SAMD12: variants seen among roughly 807,000 people sequenced by gnomAD.
SAMD12 encodes sterile alpha motif domain containing 12, also known as sterile alpha motif domain-containing protein 12.
A neutral mutation model predicts 15.0 loss-of-function variants in SAMD12; 9 were observed. The observed-to-expected ratio is 0.60, with a 90% CI of 0.36 to 1.05. The LOEUF (loss-of-function observed/expected upper bound fraction) is 1.05. Ranked by LOEUF, SAMD12 falls within the 50% of genes least tolerant of loss-of-function variation. The pLI, the probability that SAMD12 is intolerant of heterozygous loss-of-function variation, is 0.01. For synonymous variants in SAMD12, 86 were observed against 90.1 expected, an observed-to-expected ratio of 0.96 and a Z score of 0.25; for missense variants, 230 against 234.2, an observed-to-expected ratio of 0.98 and a Z score of 0.12.
intron 2 of SAMD12, among the ~76,000 whole-genome samples, chr8:118,453,151 C>G (rs1170737269): frequency 6.6e-6 from 1 of 152,118 alleles, no homozygotes; most frequent in African/African-American, 2.4e-5. Flanking sequence ...CTTCTGTCAT[C>G]TACAATATTA....
chr8:118,293,285 A>C (rs1235123459), intron 4 of SAMD12, among the ~76,000 whole-genome samples: 1 of 152,212 alleles, frequency 6.6e-6, no homozygotes, highest in Non-Finnish European at 1.5e-5. Context: ...GATTTAGACA[A>C]GATAAAATAG....
chr8:118,181,582 C>T, the SAMD12 span, among the ~76,000 whole-genome samples: 1 of 152,290 alleles, frequency 6.6e-6, no homozygotes, highest in African/African-American at 2.4e-5. Context: ...GAGAGGGTCT[C>T]TTTCTGCATA....
At chr8:118,550,835 T>G (rs1446659859) in intron 2 of SAMD12, among the ~76,000 whole-genome samples, 1 of 150,964 alleles carries the variant, frequency 6.6e-6, no homozygotes, top group African/African-American at 2.5e-5. Flanking sequence ...TGGAGGAAGA[T>G]CTACCAAGCA....
At chr8:118,515,376 C>A (rs996688127) in intron 2 of SAMD12, among the ~76,000 whole-genome samples, 2 of 152,020 alleles carry the variant, frequency 1.3e-5, no homozygotes, top group Non-Finnish European at 2.9e-5. Context: ...TTCCACTTCA[C>A]CTTCTGCCAC....
At chr8:118,595,705 C>T (rs1239296566) in intron 1 of SAMD12, among the ~76,000 whole-genome samples, 1 of 152,218 alleles carries the variant, frequency 6.6e-6, no homozygotes, top group Admixed American at 6.5e-5. Context: ...AGCCCACTGG[C>T]TCTCTCCCAT....
At chr8:118,295,705 A>G (rs1814670924) in intron 4 of SAMD12, 1 of 145,310 alleles carries the variant, frequency 6.9e-6, no homozygotes, top group East Asian at 2.0e-4. Context: ...CCTGGAGTGC[A>G]GTGGTGCAAT....
intron 4 of SAMD12, among the ~76,000 whole-genome samples, chr8:118,352,096 G>A (rs900900805): frequency 3.3e-5 from 5 of 152,168 alleles, no homozygotes; most frequent in East Asian, 3.8e-4. Flanking sequence ...CCTTACATGC[G>A]TTTAACACTG....
At chr8:118,256,343 A>C (rs1174319165) in intron 4 of SAMD12, among the ~76,000 whole-genome samples, 4 of 152,112 alleles carry the variant, frequency 2.6e-5, no homozygotes, top group African/African-American at 9.7e-5. Flanking sequence ...ACAAGTTACA[A>C]ATGGGTTATG....
At chr8:118,283,845 G>T (rs913614029) in intron 4 of SAMD12, among the ~76,000 whole-genome samples, 1 of 152,154 alleles carries the variant, frequency 6.6e-6, no homozygotes, top group African/African-American at 2.4e-5. Flanking sequence ...GAAGAGTAAG[G>T]TTCTATTCTC....
chr8:118,151,845 A>T, the SAMD12 span, among the ~76,000 whole-genome samples: 1 of 151,320 alleles, frequency 6.6e-6, no homozygotes, highest in African/African-American at 2.4e-5. Flanking sequence ...AAAAGAAAAA[A>T]AAAAAAAGAT....
chr8:118,434,595 T>C (rs1822518991), intron 3 of SAMD12, among the ~76,000 whole-genome samples: 1 of 152,174 alleles, frequency 6.6e-6, no homozygotes, highest in East Asian at 1.9e-4. Flanking sequence ...TACTTGACTG[T>C]GCATAACAGA....
chr8:118,171,521 T>A, the SAMD12 span, among the ~76,000 whole-genome samples: 9 of 152,164 alleles, frequency 5.9e-5, no homozygotes, highest in African/African-American at 1.7e-4. Context: ...AATGAAGTAC[T>A]GATACATGAT....
chr8:118,133,274 C>CT, the SAMD12 span, among the ~76,000 whole-genome samples: 1 of 151,654 alleles, frequency 6.6e-6, no homozygotes, highest in Non-Finnish European at 1.5e-5. Flanking sequence ...TTCTCTTCTG[C>CT]TTTTTTAAGG....
intron 4 of SAMD12, among the ~76,000 whole-genome samples, chr8:118,353,637 C>G (rs551789752): frequency 4.1e-4 from 62 of 152,142 alleles, no homozygotes; most frequent in Admixed American, 2.1e-3. Context: ...TTTGTTATAG[C>G]AGCTGAAACT....
chr8:118,352,915 G>C (rs1818029130), intron 4 of SAMD12, among the ~76,000 whole-genome samples: 1 of 151,954 alleles, frequency 6.6e-6, no homozygotes, highest in Admixed American at 6.6e-5. Context: ...AGCCCTGCAG[G>C]TATATCAAAA....
chr8:118,326,080 T>A (rs2130476109), intron 4 of SAMD12, among the ~76,000 whole-genome samples: 1 of 152,322 alleles, frequency 6.6e-6, no homozygotes, highest in African/African-American at 2.4e-5. Context: ...ATGTGTGATA[T>A]TACTTAATCA....
At chr8:118,252,379 G>A (rs1421150635) in intron 4 of SAMD12, among the ~76,000 whole-genome samples, 1 of 152,116 alleles carries the variant, frequency 6.6e-6, no homozygotes, top group Admixed American at 6.6e-5. Flanking sequence ...TACAAATGAG[G>A]TCTTACTCTG....
chr8:118,145,974 G>A, the SAMD12 span, among the ~76,000 whole-genome samples: 1 of 152,106 alleles, frequency 6.6e-6, no homozygotes, highest in Non-Finnish European at 1.5e-5. Flanking sequence ...GTTCTTTCTT[G>A]AAGGGAGATC....
At chr8:118,617,734 G>A (rs951775749) in intron 1 of SAMD12, among the ~76,000 whole-genome samples, 4 of 151,998 alleles carry the variant, frequency 2.6e-5, no homozygotes, top group Admixed American at 1.3e-4. Flanking sequence ...CTGGAGACTC[G>A]TGCATTTATA....
Sources: gnomAD v4.1 joint callset for allele counts (sites outside exome capture counted in the v4.1 genomes callset) on GRCh38, gnomAD v4.1.1 for gene constraint, MANE v1.5 for transcripts, NCBI Gene and HGNC (gene_info 2026-07-23, HGNC 2026-07-21) for gene names.